TOX: variants seen among roughly 807,000 people sequenced by gnomAD.
TOX encodes the protein thymocyte selection associated high mobility group box.
A neutral mutation model predicts 53.7 loss-of-function variants in TOX; 11 were observed. The observed-to-expected ratio is 0.20, with a 90% CI of 0.13 to 0.34. The LOEUF (loss-of-function observed/expected upper bound fraction) is 0.34, where lower values mean the gene tolerates loss of function less well. Among genes scored for constraint, TOX ranks in the 10% least tolerant of loss-of-function variants. The pLI, the probability that TOX is intolerant of heterozygous loss-of-function variation, is 1.00. For synonymous variants in TOX, 225 were observed against 245.3 expected, an observed-to-expected ratio of 0.92 and a Z score of 0.77; for missense variants, 570 against 664.6, an observed-to-expected ratio of 0.86 and a Z score of 1.56.
chr8:58,846,224 C>CTT (rs142767155), intron 4 of TOX, among the ~76,000 whole-genome samples: 1 of 151,334 alleles, frequency 6.6e-6, no homozygotes, highest in Non-Finnish European at 1.5e-5. Context: ...GAATAGAATA[C>CTT]TTTTTTTTTA....
chr8:59,041,373 G>A (rs1257086600), intron 1 of TOX, among the ~76,000 whole-genome samples: 5 of 152,022 alleles, frequency 3.3e-5, no homozygotes, highest in African/African-American at 1.2e-4. Context: ...GCAGGAGTCC[G>A]TGACCTGTTC....
At chr8:58,931,639 A>G (rs1290400672) in intron 3 of TOX, among the ~76,000 whole-genome samples, 1 of 152,224 alleles carries the variant, frequency 6.6e-6, no homozygotes, top group Admixed American at 6.5e-5. Context: ...CAAACAGGCT[A>G]CCAAGGAAAG....
chr8:58,935,128 A>G (rs1196388529), intron 3 of TOX, among the ~76,000 whole-genome samples: 1 of 152,206 alleles, frequency 6.6e-6, no homozygotes, highest in African/African-American at 2.4e-5. Context: ...AGAGGCAGAT[A>G]CAAGAGAATA....
At chr8:59,042,334 C>T (rs542129750) in intron 1 of TOX, among the ~76,000 whole-genome samples, 34 of 152,278 alleles carry the variant, frequency 2.2e-4, no homozygotes, top group Admixed American at 3.3e-4. Context: ...GAAGTCAGAA[C>T]GCCATTTCAG....
At chr8:59,006,215 A>T (rs963704712) in intron 1 of TOX, among the ~76,000 whole-genome samples, 1 of 152,262 alleles carries the variant, frequency 6.6e-6, no homozygotes, top group Admixed American at 6.5e-5. Context: ...TGTTTTACAT[A>T]TAACTCCTAA....
At chr8:58,842,248 C>A (rs531782294) in intron 4 of TOX, among the ~76,000 whole-genome samples, 1 of 151,952 alleles carries the variant, frequency 6.6e-6, no homozygotes, top group Non-Finnish European at 1.5e-5. Flanking sequence ...CAGCAGACTG[C>A]GTGGGGAAGA....
intron 1 of TOX, among the ~76,000 whole-genome samples, chr8:58,997,243 A>G (rs933284594): frequency 6.6e-5 from 10 of 152,202 alleles, no homozygotes; most frequent in African/African-American, 2.4e-4. Flanking sequence ...GATGACAACT[A>G]GAACAGGTGG....
At chr8:58,914,949 C>T (rs1040400493) in intron 3 of TOX, among the ~76,000 whole-genome samples, 8 of 152,026 alleles carry the variant, frequency 5.3e-5, no homozygotes, top group African/African-American at 1.9e-4. Flanking sequence ...ATGGACGCAC[C>T]TGGAAAATTG....
intron 3 of TOX, among the ~76,000 whole-genome samples, chr8:58,880,431 T>A (rs997625226): frequency 6.6e-6 from 1 of 152,210 alleles, no homozygotes; most frequent in African/African-American, 2.4e-5. Context: ...GTGAATACTA[T>A]TATTATAGCC....
At chr8:58,864,741 C>G (rs1019011454) in intron 3 of TOX, among the ~76,000 whole-genome samples, 1 of 152,130 alleles carries the variant, frequency 6.6e-6, no homozygotes. Flanking sequence ...AAGCAAAACA[C>G]TCTGTAAGAG....
chr8:58,916,116 G>A lies in TOX; in HGVS notation c.411+23186C>T, dbSNP rs1215525305. ...GTGATGTGGAGAATGGAACCAAGTT[G>A]GAAAACACTCTGCAGGATATTATCC... is the stretch of plus-strand genomic sequence containing the variant. On this transcript the variant is annotated intron_variant, in intron 3 of 8. Coordinates refer to ENST00000361421, the MANE Select transcript of TOX (RefSeq NM_014729.3). Among the ~76,000 whole-genome samples, 16 of 3,650 alleles carry A rather than the reference G, an allele frequency of 4.4e-3. 1 individual carries two copies. Among genetic ancestry groups the A allele is most frequent in the Admixed American group, 0.012 (6 of 492 alleles). 2.4% of individuals were successfully genotyped at this position (3,650 alleles called of 152,430 possible). A position where few individuals can be genotyped will look rare whatever the true frequency, so the allele number is the denominator to read the frequency against.
chr8:59,020,305 C>G (rs1364561804), intron 1 of TOX, among the ~76,000 whole-genome samples: 1 of 152,208 alleles, frequency 6.6e-6, no homozygotes, highest in East Asian at 1.9e-4. Flanking sequence ...ATCTTCCAAT[C>G]ATTTCACTTA....
Position 58,930,893 on chromosome 8 carries a change from C to T in TOX, c.411+8409G>A, listed in dbSNP as rs556350956. The stretch of plus-strand genomic sequence containing the variant: ...ATGACTGAAAGCTCATGGCTAGGAT[C>T]TGGAAATTCTTACTTATGGACATAC... On this transcript the variant is annotated intron_variant, in intron 3 of 8. Coordinates refer to ENST00000361421, the MANE Select transcript of TOX (RefSeq NM_014729.3). Among the ~76,000 whole-genome samples the T allele has an allele frequency of 3.9e-5, 6 of 152,304 alleles. No individual in the cohort carries two copies. In the East Asian group the frequency reaches 9.7e-4, roughly 25 times the overall value.
intron 2 of TOX, among the ~76,000 whole-genome samples, chr8:58,955,645 G>T (rs1181255687): frequency 1.3e-5 from 2 of 152,056 alleles, no homozygotes; most frequent in African/African-American, 4.8e-5. Flanking sequence ...CTTCAACTGA[G>T]GCAGGCATGT....
chr8:59,020,735 G>A (rs1814108991), intron 1 of TOX, among the ~76,000 whole-genome samples: 1 of 151,868 alleles, frequency 6.6e-6, no homozygotes, highest in South Asian at 2.1e-4. Flanking sequence ...ATTACATTAT[G>A]TACCATACTT....
intron 3 of TOX, among the ~76,000 whole-genome samples, chr8:58,856,942 C>T (rs188026776): frequency 6.6e-6 from 1 of 152,100 alleles, no homozygotes. Flanking sequence ...TCTGTCATTG[C>T]AGAATTACTG....
intron 1 of TOX, among the ~76,000 whole-genome samples, chr8:58,967,244 G>T (rs1369814329): frequency 6.6e-6 from 1 of 152,068 alleles, no homozygotes; most frequent in Non-Finnish European, 1.5e-5. Flanking sequence ...ATGCCACAGT[G>T]GTTCAAACCA....
intron 6 of TOX, among the ~76,000 whole-genome samples, chr8:58,824,235 C>G (rs1210729066): frequency 6.6e-6 from 1 of 152,120 alleles, no homozygotes; most frequent in Non-Finnish European, 1.5e-5. Context: ...TGTTGATAAT[C>G]AAGCCTACTT....
intron 1 of TOX, among the ~76,000 whole-genome samples, chr8:59,016,495 C>T (rs930251947): frequency 6.6e-6 from 1 of 152,064 alleles, no homozygotes; most frequent in East Asian, 1.9e-4. Context: ...AACTATGGCT[C>T]AACTAAAAAT....
Sources: gnomAD v4.1 joint callset for allele counts (sites outside exome capture counted in the v4.1 genomes callset) on GRCh38, gnomAD v4.1.1 for gene constraint, MANE v1.5 for transcripts, NCBI Gene and HGNC (gene_info 2026-07-23, HGNC 2026-07-21) for gene names.